Variants in SAMD8 observed in about 807,000 individuals in gnomAD.
SAMD8 encodes sterile alpha motif domain containing 8, also known as sphingomyelin synthase-related protein 1.
In SAMD8, 20 loss-of-function variants were observed where a neutral mutation model predicts 42.0. The observed-to-expected ratio is 0.48, with a 90% CI of 0.34 to 0.69. The LOEUF is 0.69. Among genes scored for constraint, SAMD8 ranks in the 30% least tolerant of loss-of-function variants. The probability of loss-of-function intolerance (pLI) is 0.01; values close to 1 mark genes in which losing one functional copy is unlikely to be tolerated. For missense variants in SAMD8, 328 were observed against 511.6 expected (o/e 0.64, Z 3.46); for synonymous variants, 162 against 173.0 (o/e 0.94, Z 0.50).
rs1841067613 is a variant in SAMD8, at chr10:75,180,654, G to A, written c.*3962G>A. On this transcript the variant is annotated 3_prime_UTR_variant, in exon 6 of 6. Transcript: ENST00000542569. ...GAGAGACCAGAACCCATTGGATCAA[G>A]AGACCTGCAGGGATTATAACTCTTT... The A allele has an allele frequency of 6.6e-6, 1 of 152,198 alleles. No homozygotes were observed. Among genetic ancestry groups the A allele is most frequent in the Admixed American group, 6.6e-5 (1 of 15,262 alleles). The allele number at this position is 152,198 out of a possible 1,614,324, so 9.4% of individuals were successfully genotyped here. A position where few individuals can be genotyped will look rare whatever the true frequency, so the allele number is the denominator to read the frequency against.
At chr10:75,147,353 G>A (rs1840163139) in intron 1 of SAMD8, among the ~76,000 whole-genome samples, 4 of 152,078 alleles carry the variant, frequency 2.6e-5, no homozygotes, top group Admixed American at 2.6e-4. Flanking sequence ...TTGAGACGGA[G>A]TCTTACTGTG....
intron 4 of SAMD8, among the ~76,000 whole-genome samples, chr10:75,175,330 G>C (rs1213377962): frequency 6.6e-6 from 1 of 152,130 alleles, no homozygotes; most frequent in Non-Finnish European, 1.5e-5. Flanking sequence ...CAGTGAAGAA[G>C]GGGAGAGTGG....
intron 4 of SAMD8, among the ~76,000 whole-genome samples, chr10:75,172,804 A>AT (rs938231262): frequency 9.6e-4 from 143 of 148,246 alleles, no homozygotes; most frequent in Middle Eastern, 3.5e-3. Flanking sequence ...CCTAATTTTA[A>AT]TTTTTTTTTT....
upstream of SAMD8, chr10:75,109,122 C>G (rs2134404011): frequency 5.6e-6 from 9 of 1,609,450 alleles, no homozygotes; most frequent in Non-Finnish European, 7.6e-6. Flanking sequence ...TGGCTTTGTC[C>G]TCTCCCCCCA....
intron 3 of SAMD8, among the ~76,000 whole-genome samples, chr10:75,168,136 A>T (rs1840736498): frequency 6.6e-6 from 1 of 152,180 alleles, no homozygotes; most frequent in African/African-American, 2.4e-5. Context: ...AGCTGGGATT[A>T]CAGGCACACA....
At chr10:75,108,240 G>A (rs1414655672), upstream of SAMD8, 5 of 1,566,486 alleles carry the variant, frequency 3.2e-6, no homozygotes, top group South Asian at 1.2e-5. Flanking sequence ...ACTTGATGCC[G>A]GCCAAGCCAT....
chr10:75,164,389 T>C, intron 2 of SAMD8: 2 of 371,050 alleles, frequency 5.4e-6, no homozygotes, highest in Non-Finnish European at 7.4e-6. Flanking sequence ...GCCACTTCTT[T>C]TTTTTTTTTT....
Position 75,150,616 on chromosome 10 carries a change from G to A in SAMD8, c.88G>A (p.Val30Met). Reference protein sequence around the residue: ...WLKDEGFFEYVDILCNKHRLD... With the variant: ...WLKDEGFFEYMDILCNKHRLD... ...GAAGGATGAAGGCTTTTTTGAATAT[G>A]TGGACATTTTATGCAATAAGCACCG... is the stretch of plus-strand genomic sequence containing the variant. The change falls in exon 2 of 6, where the codon GTG (valine) becomes ATG (methionine). Residue 30 changes from valine (V) to methionine (M), a missense_variant. Val to Met is a conservative substitution (Grantham distance 21, BLOSUM62 1). This residue lies in a region of SAMD8 where 150 missense variants were observed against 186.0 expected (regional missense o/e 0.81). Coordinates refer to ENST00000542569, the MANE Select transcript of SAMD8 (RefSeq NM_001174156.2). 1 of 1,614,134 alleles carries A rather than the reference G, an allele frequency of 6.2e-7. No homozygotes were observed. Among genetic ancestry groups the A allele is most frequent in the African/African-American group, 1.3e-5 (1 of 75,022 alleles).
intron 1 of SAMD8, among the ~76,000 whole-genome samples, chr10:75,123,941 T>C (rs750351255): frequency 6.6e-6 from 1 of 152,032 alleles, no homozygotes; most frequent in Non-Finnish European, 1.5e-5. Context: ...TTGCCCAGGG[T>C]GGTCTCAAAC....
chr10:75,145,574 AT>A (rs776771526), intron 1 of SAMD8, among the ~76,000 whole-genome samples: 8 of 152,076 alleles, frequency 5.3e-5, no homozygotes, highest in Admixed American at 1.3e-4. Flanking sequence ...TCCTTTTAAG[AT>A]TTGTTAGGAT....
At chr10:75,142,006 G>A (rs2134463172) in intron 1 of SAMD8, among the ~76,000 whole-genome samples, 1 of 151,664 alleles carries the variant, frequency 6.6e-6, no homozygotes, top group South Asian at 2.1e-4. Context: ...GTCTCACTCT[G>A]TTGCCCAGGT....
At chr10:75,112,667 T>G (rs775065773) in intron 1 of SAMD8, among the ~76,000 whole-genome samples, 2 of 152,192 alleles carry the variant, frequency 1.3e-5, no homozygotes, top group Non-Finnish European at 2.9e-5. Flanking sequence ...GTAGCTAAGT[T>G]TAAATACCAG....
upstream of SAMD8, chr10:75,109,222 C>T: frequency 6.8e-7 from 1 of 1,462,678 alleles, no homozygotes; most frequent in Non-Finnish European, 9.0e-7. Context: ...TGTCATTTCT[C>T]CTTCCCAGAG....
upstream of SAMD8, chr10:75,109,045 A>C: frequency 6.2e-7 from 1 of 1,611,868 alleles, no homozygotes; most frequent in Non-Finnish European, 8.5e-7. Flanking sequence ...AACTTCGTCC[A>C]CACGGCTGCA....
At chr10:75,100,229 C>T (rs1289321073) in intron 1 of SAMD8, among the ~76,000 whole-genome samples, 1 of 152,164 alleles carries the variant, frequency 6.6e-6, no homozygotes, top group African/African-American at 2.4e-5. Flanking sequence ...TGGTAGGCCA[C>T]AGTGCATGCC....
At chr10:75,152,743 G>A (rs1840321580) in intron 2 of SAMD8, among the ~76,000 whole-genome samples, 1 of 151,856 alleles carries the variant, frequency 6.6e-6, no homozygotes, top group African/African-American at 2.4e-5. Context: ...GCACATGCCT[G>A]TAGTCCTAAC....
intron 3 of SAMD8, chr10:75,168,308 C>T (rs185722510): frequency 3.0e-5 from 12 of 398,606 alleles, no homozygotes; most frequent in Middle Eastern, 1.3e-3. Flanking sequence ...ATTTCAAGTC[C>T]GTAAGATCCA....
chr10:75,158,589 C>CA (rs1045258757), intron 2 of SAMD8, among the ~76,000 whole-genome samples: 27 of 147,886 alleles, frequency 1.8e-4, no homozygotes, highest in East Asian at 5.9e-4. Context: ...GAGACTCTCT[C>CA]AAAAAAAAAA....
At chr10:75,123,238 G>A (rs1400403296) in intron 1 of SAMD8, among the ~76,000 whole-genome samples, 1 of 150,358 alleles carries the variant, frequency 6.7e-6, no homozygotes, top group African/African-American at 2.5e-5. Flanking sequence ...GCGGGTAAAG[G>A]AGATGAGGGT....
Sources: gnomAD v4.1 joint callset for allele counts (sites outside exome capture counted in the v4.1 genomes callset) on GRCh38, gnomAD v4.1.1 for gene constraint, gnomAD v4.1.1 regional missense constraint, MANE v1.5 for transcripts, NCBI Gene and HGNC (gene_info 2026-07-23, HGNC 2026-07-21) for gene names.